The following PRKAR1A variants were observed in gnomAD, a reference collection of about 807,000 sequenced individuals.
The protein encoded by PRKAR1A is cAMP-dependent protein kinase type I-alpha regulatory subunit.
A neutral mutation model predicts 52.0 loss-of-function variants in PRKAR1A; 3 were observed. The observed-to-expected ratio is 0.06, with a 90% confidence interval of 0.03 to 0.15. The LOEUF is 0.15. PRKAR1A is among the 10% of genes least tolerant of loss of function. The probability of loss-of-function intolerance (pLI) is 1.00; values close to 1 mark genes in which losing one functional copy is unlikely to be tolerated. For missense variants in PRKAR1A, 240 were observed against 477.4 expected (o/e 0.50, Z 4.63); for synonymous variants, 188 against 168.4 (o/e 1.12, Z -0.90).
chr17:68,483,531 T>A, the PRKAR1A span, among the ~76,000 whole-genome samples: 3 of 151,936 alleles, frequency 2.0e-5, no homozygotes, highest in African/African-American at 7.3e-5. Flanking sequence ...GAGGAGGTGG[T>A]CCTTTTTCAC....
At chr17:68,540,638 TGAC>T in intron 11 of PRKAR1A, 2 of 673,916 alleles carry the variant, frequency 3.0e-6, no homozygotes, top group Non-Finnish European at 5.3e-6. Flanking sequence ...GCCTTATGAG[TGAC>T]GACCCCTTGA....
chr17:68,534,516 T>C (rs1200969809), downstream of PRKAR1A, among the ~76,000 whole-genome samples: 1 of 152,082 alleles, frequency 6.6e-6, no homozygotes, highest in Non-Finnish European at 1.5e-5. Flanking sequence ...ATGCTCATCT[T>C]TCATACTGTG....
At chr17:68,438,938 G>A in the PRKAR1A span, among the ~76,000 whole-genome samples, 1 of 152,180 alleles carries the variant, frequency 6.6e-6, no homozygotes, top group Admixed American at 6.5e-5. Context: ...TTAAAAACAC[G>A]ATGAGATACC....
the PRKAR1A span, among the ~76,000 whole-genome samples, chr17:68,500,150 G>A: frequency 2.0e-5 from 3 of 152,192 alleles, no homozygotes; most frequent in South Asian, 6.2e-4. Flanking sequence ...AAGGCTTGAG[G>A]GCTGTACCAA....
chr17:68,436,772 G>A, the PRKAR1A span, among the ~76,000 whole-genome samples: 123 of 152,174 alleles, frequency 8.1e-4, no homozygotes, highest in Non-Finnish European at 1.6e-3. Flanking sequence ...TGAGGCGGGC[G>A]GATCACTTGA....
the PRKAR1A span, among the ~76,000 whole-genome samples, chr17:68,443,641 T>C: frequency 2.0e-3 from 308 of 152,276 alleles, 1 homozygote; most frequent in African/African-American, 7.1e-3. Flanking sequence ...AAAGTCTAGG[T>C]GACTTGGATG....
chr17:68,523,571 A>G, intron 3 of PRKAR1A, 154 bp from the exon 4 acceptor site: 1 of 671,944 alleles, frequency 1.5e-6, no homozygotes. Flanking sequence ...TAGTTTATGG[A>G]TCAAAGATAG....
chr17:68,517,680 G>A (rs1021209612), intron 2 of PRKAR1A, among the ~76,000 whole-genome samples: 1 of 152,160 alleles, frequency 6.6e-6, no homozygotes, highest in Non-Finnish European at 1.5e-5. Context: ...GATGAGATTT[G>A]GGTGTGGACA....
the PRKAR1A span, among the ~76,000 whole-genome samples, chr17:68,454,726 G>T: frequency 6.6e-6 from 1 of 152,198 alleles, no homozygotes; most frequent in African/African-American, 2.4e-5. Context: ...AAATATAGAT[G>T]TGTTTGGCTG....
the PRKAR1A span, among the ~76,000 whole-genome samples, chr17:68,419,786 C>T: frequency 4.2e-5 from 6 of 142,582 alleles, no homozygotes; most frequent in African/African-American, 1.4e-4. Flanking sequence ...ATAGCGGGAC[C>T]CTGTCTCTGG....
the PRKAR1A span, among the ~76,000 whole-genome samples, chr17:68,426,412 T>C: frequency 6.6e-6 from 1 of 152,212 alleles, no homozygotes; most frequent in Non-Finnish European, 1.5e-5. Flanking sequence ...GAATTTTTCT[T>C]TGTTGAGGTA....
intron 2 of PRKAR1A, among the ~76,000 whole-genome samples, chr17:68,520,639 TATATC>T (rs796302732): frequency 3.6e-4 from 55 of 152,262 alleles, no homozygotes; most frequent in African/African-American, 1.2e-3. Context: ...GATATAAAAA[TATATC>T]ATAGTATATA....
chr17:68,537,284 C>A, downstream of PRKAR1A: 1 of 777,564 alleles, frequency 1.3e-6, no homozygotes, highest in South Asian at 1.5e-5. The surrounding 1 kb of genome is among the most constrained non-coding windows in gnomAD (Gnocchi z 4.2). Flanking sequence ...AGGCAACGCA[C>A]GACAGAAGCG....
intron 2 of PRKAR1A, among the ~76,000 whole-genome samples, chr17:68,519,274 T>C (rs1288859547): frequency 1.3e-5 from 2 of 152,154 alleles, no homozygotes; most frequent in African/African-American, 2.4e-5. Context: ...GACTGGGTAA[T>C]TTATAAAGGA....
intron 3 of PRKAR1A, among the ~76,000 whole-genome samples, chr17:68,523,311 C>A (rs2085677669): frequency 2.0e-5 from 3 of 152,174 alleles, no homozygotes; most frequent in Admixed American, 2.0e-4. Context: ...CAGAGCCAGG[C>A]TATTTTGAGT....
At chr17:68,437,045 G>A in the PRKAR1A span, among the ~76,000 whole-genome samples, 1 of 62,494 alleles carries the variant, frequency 1.6e-5, no homozygotes, top group African/African-American at 8.0e-5. Context: ...TGTATATATT[G>A]CTCATTTTTA....
chr17:68,530,236 T>G, intron 10 of PRKAR1A, 41 bp from the exon 11 acceptor site: 1 of 1,608,016 alleles, frequency 6.2e-7, no homozygotes, highest in Non-Finnish European at 8.5e-7. Flanking sequence ...GGAAATGTTT[T>G]TCATAGAAGT....
rs760163489 is a variant in PRKAR1A at position 68,542,703 on chromosome 17, CAAAG to C, written c.974-8377_974-8374del. 3.1e-5 allele frequency: 50 copies of C among 1,613,264 alleles called. No homozygotes were observed. The highest frequency in any genetic ancestry group is 4.5e-5 in the East Asian group (2 of 44,874). ...CGGGCCAGTACTCTACCTGGAGAGACAAAGAAAACACTCTGCAGGATTTCATTCT... is the reference window on the plus strand; with the variant it reads ...CGGGCCAGTACTCTACCTGGAGAGACAAAACACTCTGCAGGATTTCATTCT... On this transcript the variant is annotated intron_variant, in intron 11 of 11. Coordinates refer to the PRKAR1A transcript ENST00000585981.
At chr17:68,535,875 A>G (rs1302169381), downstream of PRKAR1A, 1 of 454,016 alleles carries the variant, frequency 2.2e-6, no homozygotes. Flanking sequence ...TTTGTGTTAC[A>G]GTGAAAAGAA....
Sources: gnomAD v4.1 joint callset for allele counts (sites outside exome capture counted in the v4.1 genomes callset) on GRCh38, gnomAD v4.1.1 for gene constraint, Gnocchi (gnomAD v3.1) non-coding constraint, MANE v1.5 for transcripts, NCBI Gene and HGNC (gene_info 2026-07-23, HGNC 2026-07-21) for gene names.